The following DRC11 variants were observed in gnomAD, a reference collection of about 807,000 sequenced individuals.
DRC11 encodes dynein regulatory complex subunit 11.
At chr2:236,405,701 C>A in the DRC11 span, among the ~76,000 whole-genome samples, 3 of 152,160 alleles carry the variant, frequency 2.0e-5, no homozygotes, top group Non-Finnish European at 4.4e-5. The surrounding 1 kb of genome is among the most constrained non-coding windows in gnomAD (Gnocchi z 4.6). Flanking sequence ...CCTCCTTTCT[C>A]CAAGGAGGAT....
chr2:236,306,778 T>C, the DRC11 span, among the ~76,000 whole-genome samples: 585 of 152,294 alleles, frequency 3.8e-3, 1 homozygote, highest in Middle Eastern at 0.027. The surrounding 1 kb of genome is among the most constrained non-coding windows in gnomAD (Gnocchi z 5.9). Flanking sequence ...ATGTCAAATT[T>C]TCTATTCCTA....
the DRC11 span, among the ~76,000 whole-genome samples, chr2:236,415,941 C>T: frequency 6.1e-3 from 932 of 152,150 alleles, 10 homozygotes; most frequent in African/African-American, 0.021. The surrounding 1 kb of genome is among the most constrained non-coding windows in gnomAD (Gnocchi z 5.7). Context: ...AAAATTGTCT[C>T]GCAGAGTAAG....
the DRC11 span, among the ~76,000 whole-genome samples, chr2:236,397,958 G>A: frequency 1.3e-5 from 2 of 152,208 alleles, no homozygotes; most frequent in Non-Finnish European, 2.9e-5. The surrounding 1 kb of genome is among the most constrained non-coding windows in gnomAD (Gnocchi z 5.0). Context: ...GTTTGTTGAA[G>A]GAATATGCAA....
chr2:236,429,718 TG>T, the DRC11 span, among the ~76,000 whole-genome samples: 1 of 151,814 alleles, frequency 6.6e-6, no homozygotes, highest in East Asian at 1.9e-4. This position sits in a 1 kb window ranked among gnomAD's most constrained non-coding sequence, Gnocchi z 5.9. Flanking sequence ...GAGGGCCACT[TG>T]GGTGGGTCGG....
chr2:236,457,943 A>G, the DRC11 span, among the ~76,000 whole-genome samples: 1 of 152,228 alleles, frequency 6.6e-6, no homozygotes, highest in Non-Finnish European at 1.5e-5. The surrounding 1 kb of genome is among the most constrained non-coding windows in gnomAD (Gnocchi z 4.7). Flanking sequence ...TAGCAAACCA[A>G]TAATAGGGTT....
chr2:236,377,024 A>G, the DRC11 span: 4 of 1,000,506 alleles, frequency 4.0e-6, no homozygotes, highest in East Asian at 7.3e-5. The surrounding 1 kb of genome is among the most constrained non-coding windows in gnomAD (Gnocchi z 4.9). Context: ...TGTAAATAAA[A>G]CATATTTCCG....
chr2:236,411,569 T>A, the DRC11 span, among the ~76,000 whole-genome samples: 1 of 152,032 alleles, frequency 6.6e-6, no homozygotes, highest in Non-Finnish European at 1.5e-5. Flanking sequence ...GGATTATAAA[T>A]CATGCTGCTA....
chr2:236,503,458 G>A, the DRC11 span, among the ~76,000 whole-genome samples: 1 of 152,192 alleles, frequency 6.6e-6, no homozygotes. The surrounding 1 kb of genome is among the most constrained non-coding windows in gnomAD (Gnocchi z 4.9). Context: ...CCCATAACTG[G>A]AATTTTTGGT....
the DRC11 span, chr2:236,465,644 G>A: frequency 2.1e-3 from 3,423 of 1,613,526 alleles, 5 homozygotes; most frequent in Non-Finnish European, 2.4e-3. The surrounding 1 kb of genome is among the most constrained non-coding windows in gnomAD (Gnocchi z 6.2). Context: ...ACCTCATTCC[G>A]CAGGCGGTCC....
chr2:236,430,632 T>A, the DRC11 span, among the ~76,000 whole-genome samples: 1 of 152,356 alleles, frequency 6.6e-6, no homozygotes, highest in South Asian at 2.1e-4. This position sits in a 1 kb window ranked among gnomAD's most constrained non-coding sequence, Gnocchi z 6.0. Context: ...ATTGTTGCCA[T>A]GAATAAATGC....
At chr2:236,348,474 G>A in the DRC11 span, among the ~76,000 whole-genome samples, 1 of 152,216 alleles carries the variant, frequency 6.6e-6, no homozygotes, top group Non-Finnish European at 1.5e-5. The surrounding 1 kb of genome is among the most constrained non-coding windows in gnomAD (Gnocchi z 7.4). Context: ...ACAGCACCAC[G>A]TGGTGTTGAC....
At chr2:236,448,028 A>G in the DRC11 span, among the ~76,000 whole-genome samples, 5 of 152,244 alleles carry the variant, frequency 3.3e-5, no homozygotes, top group Non-Finnish European at 1.5e-5. The surrounding 1 kb of genome is among the most constrained non-coding windows in gnomAD (Gnocchi z 5.3). Context: ...CTGCAATTTA[A>G]ATAATTATTA....
the DRC11 span, chr2:236,399,413 C>G: frequency 6.2e-7 from 1 of 1,613,494 alleles, no homozygotes; most frequent in South Asian, 1.1e-5. This position sits in a 1 kb window ranked among gnomAD's most constrained non-coding sequence, Gnocchi z 7.0. Flanking sequence ...CTAAACTGAC[C>G]TTTGTATGCG....
chr2:236,438,925 C>A, the DRC11 span, among the ~76,000 whole-genome samples: 2 of 149,838 alleles, frequency 1.3e-5, no homozygotes, highest in Admixed American at 6.7e-5. Flanking sequence ...CACTCAAAAC[C>A]GCTCAACTAC....
the DRC11 span, chr2:236,391,898 G>A: frequency 1.4e-5 from 18 of 1,259,154 alleles, no homozygotes; most frequent in South Asian, 3.6e-5. The surrounding 1 kb of genome is among the most constrained non-coding windows in gnomAD (Gnocchi z 4.5). Flanking sequence ...TCCTGGACAT[G>A]CCACAGCATG....
At chr2:236,480,261 A>C in the DRC11 span, among the ~76,000 whole-genome samples, 1 of 151,690 alleles carries the variant, frequency 6.6e-6, no homozygotes, top group Non-Finnish European at 1.5e-5. Context: ...ACCTTCCTAT[A>C]CTTGGATATT....
chr2:236,424,486 T>C, the DRC11 span, among the ~76,000 whole-genome samples: 1 of 152,300 alleles, frequency 6.6e-6, no homozygotes, highest in African/African-American at 2.4e-5. Context: ...TACTGTTAAC[T>C]AGCCAAGAAG....
chr2:236,428,578 A>T, the DRC11 span, among the ~76,000 whole-genome samples: 10 of 152,164 alleles, frequency 6.6e-5, no homozygotes, highest in African/African-American at 2.4e-4. Context: ...GATTCAATTT[A>T]CATGGAATAT....
chr2:236,376,931 T>A, the DRC11 span, among the ~76,000 whole-genome samples: 1 of 152,224 alleles, frequency 6.6e-6, no homozygotes, highest in Non-Finnish European at 1.5e-5. This position sits in a 1 kb window ranked among gnomAD's most constrained non-coding sequence, Gnocchi z 5.7. Context: ...GTCCACAGCA[T>A]CCTCTTAGGT....
Sources: allele counts gnomAD v4.1 joint callset (sites outside exome capture counted in the v4.1 genomes callset), GRCh38; gene constraint gnomAD v4.1.1; non-coding constraint Gnocchi (gnomAD v3.1); transcripts MANE v1.5; gene names NCBI Gene and HGNC (gene_info 2026-07-23, HGNC 2026-07-21).